ELAVL4: variants seen among roughly 807,000 people sequenced by gnomAD.
The protein encoded by ELAVL4 is ELAV-like protein 4.
In ELAVL4, 1 loss-of-function variant was observed where a neutral mutation model predicts 35.6. The observed-to-expected ratio is 0.03, with a 90% CI of 0.01 to 0.13. ELAVL4 has a LOEUF of 0.13. ELAVL4 is among the 10% of genes least tolerant of loss of function. The pLI, the probability that ELAVL4 is intolerant of heterozygous loss-of-function variation, is 1.00. For synonymous variants in ELAVL4, 156 were observed against 171.0 expected, an observed-to-expected ratio of 0.91 and a Z score of 0.69; for missense variants, 267 against 464.9, an observed-to-expected ratio of 0.57 and a Z score of 3.91.
intron 1 of ELAVL4, among the ~76,000 whole-genome samples, chr1:50,138,381 T>C (rs1672250533): frequency 6.6e-6 from 1 of 152,048 alleles, no homozygotes; most frequent in Non-Finnish European, 1.5e-5. Flanking sequence ...AGGCATTCAA[T>C]AGGTTTTCTG....
intron 3 of ELAVL4, among the ~76,000 whole-genome samples, chr1:50,188,506 A>G (rs552215725): frequency 6.6e-6 from 1 of 152,342 alleles, no homozygotes; most frequent in Non-Finnish European, 1.5e-5. Context: ...AAGACAAAAG[A>G]GAAAAGTGTA....
At chr1:50,134,850 C>T (rs1250998315) in intron 1 of ELAVL4, among the ~76,000 whole-genome samples, 6 of 152,028 alleles carry the variant, frequency 3.9e-5, no homozygotes, top group Non-Finnish European at 8.8e-5. Flanking sequence ...ACCAGAACTG[C>T]ATCAGGATGG....
chr1:50,129,434 G>T (rs994273726), intron 1 of ELAVL4, among the ~76,000 whole-genome samples: 2 of 152,048 alleles, frequency 1.3e-5, no homozygotes, highest in Non-Finnish European at 2.9e-5. Context: ...AAAACATGAT[G>T]GTTTTCCTTG....
At chr1:50,108,828 G>T, upstream of ELAVL4, 1 of 819,712 alleles carries the variant, frequency 1.2e-6, no homozygotes, top group Non-Finnish European at 1.5e-6. Context: ...AGCACCTGAT[G>T]TTGCAACGCC....
intron 2 of ELAVL4, among the ~76,000 whole-genome samples, chr1:50,176,719 C>G (rs1346877195): frequency 2.0e-5 from 3 of 152,206 alleles, no homozygotes; most frequent in African/African-American, 7.2e-5. Context: ...AGGGAAAGCT[C>G]TAGGACTCCA....
At chr1:50,096,649 TG>T (rs1338308953) in intron 1 of ELAVL4, among the ~76,000 whole-genome samples, 1 of 152,094 alleles carries the variant, frequency 6.6e-6, no homozygotes, top group South Asian at 2.1e-4. Flanking sequence ...CACGTTTGAC[TG>T]CTTTTAACCT....
intron 2 of ELAVL4, among the ~76,000 whole-genome samples, chr1:50,166,141 C>T (rs991070310): frequency 2.0e-5 from 3 of 152,084 alleles, no homozygotes; most frequent in Non-Finnish European, 4.4e-5. Flanking sequence ...CCCTCACAGA[C>T]ACGCCCAGGA....
intron 1 of ELAVL4, among the ~76,000 whole-genome samples, chr1:50,053,837 ATAGAG>A (rs1663522857): frequency 6.6e-6 from 1 of 152,232 alleles, no homozygotes; most frequent in African/African-American, 2.4e-5. Flanking sequence ...GGGAAAAAAA[ATAGAG>A]TAAGATAAAG....
chr1:50,140,738 G>T (rs773810956), intron 1 of ELAVL4, among the ~76,000 whole-genome samples: 1 of 152,106 alleles, frequency 6.6e-6, no homozygotes, highest in Non-Finnish European at 1.5e-5. Context: ...AACTCTCTTT[G>T]TATGTGTCCA....
At chr1:50,067,553 G>A (rs968435687) in intron 1 of ELAVL4, among the ~76,000 whole-genome samples, 7 of 152,130 alleles carry the variant, frequency 4.6e-5, no homozygotes, top group African/African-American at 1.7e-4. Flanking sequence ...AAAGATATAG[G>A]TAAACCGATA....
chr1:50,087,585 G>T (rs1467876904), intron 1 of ELAVL4, among the ~76,000 whole-genome samples: 3 of 152,152 alleles, frequency 2.0e-5, no homozygotes, highest in East Asian at 1.9e-4. Context: ...CACGAAATTT[G>T]CTGTGGACTA....
chr1:50,143,025 A>G (rs1040643202), intron 1 of ELAVL4, among the ~76,000 whole-genome samples: 5 of 152,226 alleles, frequency 3.3e-5, no homozygotes, highest in Non-Finnish European at 5.9e-5. Flanking sequence ...GTCCATGTAT[A>G]TAAAGGTAAA....
chr1:50,091,067 G>A (rs1336136685), intron 1 of ELAVL4, among the ~76,000 whole-genome samples: 1 of 152,172 alleles, frequency 6.6e-6, no homozygotes, highest in Non-Finnish European at 1.5e-5. Flanking sequence ...CTATCTTTGA[G>A]GTTCTCTGAT....
At chr1:50,059,811 A>G (rs1572104758) in intron 1 of ELAVL4, among the ~76,000 whole-genome samples, 1 of 152,228 alleles carries the variant, frequency 6.6e-6, no homozygotes, top group Non-Finnish European at 1.5e-5. Flanking sequence ...ATGCTACAAC[A>G]TGGATGAACC....
intron 1 of ELAVL4, among the ~76,000 whole-genome samples, chr1:50,140,453 C>T (rs994750471): frequency 6.6e-6 from 1 of 152,226 alleles, no homozygotes; most frequent in African/African-American, 2.4e-5. Context: ...TGAGGTCTAT[C>T]ATGTAACCTT....
intron 1 of ELAVL4, among the ~76,000 whole-genome samples, chr1:50,131,945 A>G (rs996312983): frequency 1.3e-5 from 2 of 152,086 alleles, no homozygotes; most frequent in African/African-American, 4.8e-5. Flanking sequence ...ACACACAGAA[A>G]ACTATAGATT....
upstream of ELAVL4, chr1:50,104,121 T>C: frequency 9.5e-7 from 1 of 1,056,228 alleles, no homozygotes; most frequent in Non-Finnish European, 1.5e-6. Context: ...CGCTTCATCT[T>C]ATTTTCCTTT....
intron 2 of ELAVL4, among the ~76,000 whole-genome samples, chr1:50,165,277 C>T (rs1677544449): frequency 6.6e-6 from 1 of 152,022 alleles, no homozygotes; most frequent in Non-Finnish European, 1.5e-5. Context: ...CCTGGAATGC[C>T]CTTTTCTCTA....
intron 1 of ELAVL4, among the ~76,000 whole-genome samples, chr1:50,059,022 A>G (rs1435305441): frequency 1.3e-5 from 2 of 152,114 alleles, no homozygotes; most frequent in South Asian, 2.1e-4. Flanking sequence ...ATTATCCTAG[A>G]TTCATTTTTC....
Sources: gnomAD v4.1 joint callset for allele counts (sites outside exome capture counted in the v4.1 genomes callset) on GRCh38, gnomAD v4.1.1 for gene constraint, MANE v1.5 for transcripts, NCBI Gene and HGNC (gene_info 2026-07-23, HGNC 2026-07-21) for gene names.